The following COL21A1 variants were observed in gnomAD, a reference collection of about 807,000 sequenced individuals.
COL21A1 encodes collagen alpha-1(XXI) chain.
Under a neutral mutation model 137.9 loss-of-function variants are expected in COL21A1, and 149 were observed. The ratio of observed to expected loss-of-function variants is 1.08; its 90% CI spans 0.95 to 1.24. COL21A1 has a LOEUF of 1.24. Among genes scored for constraint, COL21A1 ranks in the 50% most tolerant of loss-of-function variants. COL21A1 has a pLI of 0.00. For missense variants in COL21A1, 1,167 were observed against 1,158.4 expected (o/e 1.01, Z -0.11); for synonymous variants, 456 against 391.5 (o/e 1.16, Z -1.95).
chr6:56,287,595 G>A (rs558330513), intron 1 of COL21A1, among the ~76,000 whole-genome samples: 2 of 152,066 alleles, frequency 1.3e-5, no homozygotes, highest in South Asian at 2.1e-4. Flanking sequence ...TACCATGATT[G>A]TAAGTTTCCT....
chr6:56,300,419 T>G (rs1582765242), intron 1 of COL21A1, among the ~76,000 whole-genome samples: 1 of 152,160 alleles, frequency 6.6e-6, no homozygotes, highest in African/African-American at 2.4e-5. Context: ...TTTTATTAAA[T>G]GCTTACTTTA....
chr6:56,255,237 G>A (rs906757772), intron 1 of COL21A1, among the ~76,000 whole-genome samples: 2 of 151,812 alleles, frequency 1.3e-5, no homozygotes, highest in Non-Finnish European at 2.9e-5. Flanking sequence ...CATAGGTAAT[G>A]GAATAAATGG....
Position 56,302,218 on chromosome 6 carries a change from A to G in COL21A1, c.-39+91753T>C, listed in dbSNP as rs548348436. On this transcript the variant is annotated intron_variant, in intron 1 of 28. Transcript: ENST00000370819. The stretch of plus-strand genomic sequence containing the variant: ...CTGCATGTGTCTTTATAGCAGCACG[A>G]TTTATAATCCTTTGGGTATATACCC... Among the ~76,000 whole-genome samples, 4 of 151,786 alleles carry G rather than the reference A, an allele frequency of 2.6e-5. No individual in the cohort carries two copies. The East Asian group carries it at 7.7e-4, about 29-fold the overall frequency.
chr6:56,267,086 C>T (rs1763409733), intron 1 of COL21A1, among the ~76,000 whole-genome samples: 1 of 152,174 alleles, frequency 6.6e-6, no homozygotes, highest in Non-Finnish European at 1.5e-5. Flanking sequence ...ATATGGCAGA[C>T]ATTCACCAAA....
chr6:56,137,517 G>A (rs1001840824), intron 12 of COL21A1, among the ~76,000 whole-genome samples: 2 of 152,134 alleles, frequency 1.3e-5, no homozygotes, highest in Admixed American at 6.6e-5. Context: ...CAGTGATGGG[G>A]ATTCCATTTG....
chr6:56,223,235 A>T (rs1327876420), intron 1 of COL21A1, among the ~76,000 whole-genome samples: 2 of 151,870 alleles, frequency 1.3e-5, no homozygotes, highest in Non-Finnish European at 2.9e-5. Context: ...GGAGCATGTT[A>T]TTTTTTTAAT....
chr6:56,078,911 A>G (rs1054216386), intron 17 of COL21A1, among the ~76,000 whole-genome samples: 14 of 151,738 alleles, frequency 9.2e-5, no homozygotes, highest in African/African-American at 2.7e-4. Context: ...CCTTGAAGTA[A>G]CAATATAAAA....
rs1765659942 is a variant in COL21A1, at chr6:56,060,015, T to A, written c.2608+3A>T. On this transcript the variant is annotated splice_donor_region_variant and intron_variant, in intron 28 of 29. Coordinates refer to ENST00000244728, the MANE Select transcript of COL21A1 (RefSeq NM_030820.4). ...CATTTTCTTGTTGAAACTAACTGCA[T>A]ACCTTTTAATCCTCTGACACCTGGA... 6.3e-7 allele frequency: 1 copy of A among 1,588,460 alleles called. No individual in the cohort carries two copies. Among genetic ancestry groups the A allele is most frequent in the Non-Finnish European group, 8.5e-7 (1 of 1,170,376 alleles).
intron 1 of COL21A1, among the ~76,000 whole-genome samples, chr6:56,301,718 T>G (rs1261804594): frequency 1.3e-5 from 2 of 151,956 alleles, no homozygotes; most frequent in Non-Finnish European, 2.9e-5. Flanking sequence ...TTTCTTTTTT[T>G]TTCCATTATA....
At chr6:56,378,628 A>T (rs1952324411) in intron 1 of COL21A1, among the ~76,000 whole-genome samples, 1 of 152,202 alleles carries the variant, frequency 6.6e-6, no homozygotes, top group South Asian at 2.1e-4. Context: ...GCACCTCTGG[A>T]CCTGCCTGGG....
intron 1 of COL21A1, among the ~76,000 whole-genome samples, chr6:56,229,203 A>T (rs1391415789): frequency 6.6e-6 from 1 of 151,836 alleles, no homozygotes; most frequent in Non-Finnish European, 1.5e-5. Context: ...CAATACAGAG[A>T]AACCCTGTCT....
intron 1 of COL21A1, among the ~76,000 whole-genome samples, chr6:56,307,456 G>T (rs1037837091): frequency 2.6e-5 from 4 of 152,148 alleles, no homozygotes; most frequent in African/African-American, 9.7e-5. Context: ...CTGCCGCCTT[G>T]CAGTTTGATC....
At chr6:56,309,515 C>CTGGA (rs1764555474) in intron 1 of COL21A1, among the ~76,000 whole-genome samples, 1 of 152,116 alleles carries the variant, frequency 6.6e-6, no homozygotes, top group African/African-American at 2.4e-5. Flanking sequence ...ATAAAATAGC[C>CTGGA]ATCACATGTC....
chr6:56,133,804 C>T (rs1018192287), intron 12 of COL21A1, among the ~76,000 whole-genome samples: 5 of 152,212 alleles, frequency 3.3e-5, no homozygotes, highest in African/African-American at 1.2e-4. Context: ...TCAGAGGGTG[C>T]AGGCCCCAAG....
At chr6:56,375,025 C>A (rs2093996674) in intron 1 of COL21A1, among the ~76,000 whole-genome samples, 1 of 152,138 alleles carries the variant, frequency 6.6e-6, no homozygotes, top group Admixed American at 6.5e-5. Context: ...CCACCACATG[C>A]CTGAGTAGAG....
intron 1 of COL21A1, among the ~76,000 whole-genome samples, chr6:56,243,538 G>A (rs1562019685): frequency 1.3e-5 from 2 of 152,144 alleles, no homozygotes; most frequent in African/African-American, 2.4e-5. Flanking sequence ...AAACAGAAAA[G>A]AGAGCTTCAG....
intron 1 of COL21A1, among the ~76,000 whole-genome samples, chr6:56,198,346 A>C (rs572518793): frequency 6.4e-4 from 97 of 152,242 alleles, no homozygotes; most frequent in African/African-American, 1.9e-3. Flanking sequence ...ATTAGCTGAG[A>C]GAATAGATCT....
intron 1 of COL21A1, among the ~76,000 whole-genome samples, chr6:56,361,844 A>G (rs924788525): frequency 3.9e-5 from 6 of 152,290 alleles, no homozygotes; most frequent in Non-Finnish European, 8.8e-5. Context: ...CTCTTTAAGT[A>G]GCATTTCTAC....
At chr6:56,181,669 CATA>C (rs1276035301) in intron 2 of COL21A1, among the ~76,000 whole-genome samples, 1 of 152,076 alleles carries the variant, frequency 6.6e-6, no homozygotes, top group Non-Finnish European at 1.5e-5. Flanking sequence ...AAGCCCTAGA[CATA>C]ATATCCATCC....
Sources: gnomAD v4.1 joint callset for allele counts (sites outside exome capture counted in the v4.1 genomes callset) on GRCh38, gnomAD v4.1.1 for gene constraint, MANE v1.5 for transcripts, NCBI Gene and HGNC (gene_info 2026-07-23, HGNC 2026-07-21) for gene names.